Variants in ZNF469 observed in about 807,000 individuals in gnomAD.
ZNF469 encodes the protein zinc finger protein 469.
In ZNF469, 1 loss-of-function variant was observed where a neutral mutation model predicts 1.0. The observed-to-expected ratio is 1.00, with a 90% CI of 0.35 to 4.73. ZNF469 has a LOEUF of 4.73. ZNF469 is among the 30% of genes most tolerant of loss of function. The pLI is 0.16. For missense variants in ZNF469, 6,100 were observed against 5,356.3 expected, an observed-to-expected ratio of 1.14 and a Z score of -4.33; for synonymous variants, 2,703 against 2,363.4, an observed-to-expected ratio of 1.14 and a Z score of -4.17.
the ZNF469 span, among the ~76,000 whole-genome samples, chr16:88,117,734 G>A: frequency 1.3e-5 from 2 of 152,218 alleles, no homozygotes; most frequent in African/African-American, 4.8e-5. Flanking sequence ...TGATGCTGCC[G>A]CACTGTTGCT....
chr16:88,116,743 G>A, the ZNF469 span, among the ~76,000 whole-genome samples: 1 of 152,188 alleles, frequency 6.6e-6, no homozygotes, highest in Admixed American at 6.5e-5. Flanking sequence ...TACATGCCAT[G>A]ACGCTGTTTA....
chr16:88,333,976 CTG>C, the ZNF469 span, among the ~76,000 whole-genome samples: 1 of 146,124 alleles, frequency 6.8e-6, no homozygotes, highest in East Asian at 2.0e-4. Flanking sequence ...CTGTGTGCAT[CTG>C]TGTGTATCTG....
the ZNF469 span, among the ~76,000 whole-genome samples, chr16:88,323,304 C>T: frequency 6.6e-6 from 1 of 152,174 alleles, no homozygotes; most frequent in Non-Finnish European, 1.5e-5. Context: ...GCCCTGACAC[C>T]CTCGCAGGCC....
chr16:88,256,568 C>G, the ZNF469 span, among the ~76,000 whole-genome samples: 2 of 152,170 alleles, frequency 1.3e-5, no homozygotes, highest in African/African-American at 4.8e-5. Context: ...GGGTAAATAT[C>G]AAGGAGTGTA....
the ZNF469 span, among the ~76,000 whole-genome samples, chr16:88,277,754 C>T: frequency 1.6e-5 from 1 of 60,962 alleles, no homozygotes; most frequent in Non-Finnish European, 3.8e-5. Flanking sequence ...TGCTGTGCCA[C>T]GCTGACACTC....
chr16:88,185,149 TCA>T, the ZNF469 span, among the ~76,000 whole-genome samples: 3 of 55,494 alleles, frequency 5.4e-5, no homozygotes, highest in African/African-American at 1.4e-4. Context: ...ATGTGCACAC[TCA>T]CACTCACAGG....
the ZNF469 span, among the ~76,000 whole-genome samples, chr16:88,101,189 G>A: frequency 1.3e-5 from 2 of 152,248 alleles, no homozygotes; most frequent in African/African-American, 2.4e-5. Context: ...GGTGACGATC[G>A]CGATGCCTTC....
chr16:88,385,156 G>C (rs900047195), intron 1 of ZNF469, among the ~76,000 whole-genome samples: 1 of 152,044 alleles, frequency 6.6e-6, no homozygotes, highest in Non-Finnish European at 1.5e-5. Flanking sequence ...CCCTTTCCTC[G>C]TGTTTGCTGA....
chr16:88,273,243 T>A, the ZNF469 span, among the ~76,000 whole-genome samples: 1 of 81,664 alleles, frequency 1.2e-5, no homozygotes, highest in Non-Finnish European at 2.5e-5. Flanking sequence ...TCCTGTGTGG[T>A]GTTATGCTAG....
the ZNF469 span, among the ~76,000 whole-genome samples, chr16:88,302,897 C>T: frequency 2.6e-5 from 4 of 152,124 alleles, no homozygotes; most frequent in South Asian, 2.1e-4. Flanking sequence ...GTGGGGCTGC[C>T]GAAAAGGGGA....
At chr16:88,394,765 C>G (rs1451674764) in intron 1 of ZNF469, among the ~76,000 whole-genome samples, 1 of 152,224 alleles carries the variant, frequency 6.6e-6, no homozygotes, top group Non-Finnish European at 1.5e-5. Context: ...CTCAGGGCCT[C>G]TCAGAGCGTG....
chr16:88,207,427 G>A, the ZNF469 span, among the ~76,000 whole-genome samples: 22 of 147,078 alleles, frequency 1.5e-4, 7 homozygotes, highest in African/African-American at 5.5e-4. Flanking sequence ...CGGGGACAGC[G>A]GGGAGCTGAG....
At chr16:88,380,536 C>T (rs62652232), upstream of ZNF469, among the ~76,000 whole-genome samples, 38,842 of 136,474 alleles carry the variant, frequency 0.28, 9,075 homozygotes, top group African/African-American at 0.63. Flanking sequence ...CTAACACACA[C>T]GCACTAACAC....
In ZNF469 at chr16:88,428,203, G is replaced by A; in HGVS notation, c.733G>A (p.Gly245Ser). 1 of 1,550,282 alleles carries A rather than the reference G, an allele frequency of 6.5e-7. No individual in the cohort carries two copies. The highest frequency in any genetic ancestry group is 8.7e-7 in the Non-Finnish European group (1 of 1,146,924). Reference sequence around the variant, plus strand: ...TCCCGCTGCTGAGAATAGCTTCCCAGGTGCTAATTTCGGGGTTCCCCCCGC... The same window carrying A: ...TCCCGCTGCTGAGAATAGCTTCCCAAGTGCTAATTTCGGGGTTCCCCCCGC... ...WPPAAENSFP[G>S]ANFGVPPAEP... Residue 245 changes from glycine to serine, a missense_variant, in exon 3 of 3, where the codon GGT becomes AGT. By Grantham distance (56) the Gly-to-Ser change is moderately conservative. Coordinates refer to ENST00000565624, the MANE Select transcript of ZNF469 (RefSeq NM_001367624.2).
chr16:88,390,766 G>A (rs536803612), intron 1 of ZNF469, among the ~76,000 whole-genome samples: 1 of 152,334 alleles, frequency 6.6e-6, no homozygotes, highest in South Asian at 2.1e-4. Context: ...TCTGAGCTGG[G>A]TGGGTTTTGA....
At chr16:88,224,977 A>G in the ZNF469 span, among the ~76,000 whole-genome samples, 2 of 152,186 alleles carry the variant, frequency 1.3e-5, no homozygotes, top group Admixed American at 6.5e-5. Context: ...TGGGGCCCCA[A>G]CGCTAATCCT....
chr16:88,144,307 G>C, the ZNF469 span, among the ~76,000 whole-genome samples: 261 of 152,322 alleles, frequency 1.7e-3, no homozygotes, highest in African/African-American at 6.0e-3. Context: ...CGGGAACCAT[G>C]CACAGTGTTG....
At chr16:88,344,510 C>G in the ZNF469 span, among the ~76,000 whole-genome samples, 17 of 152,216 alleles carry the variant, frequency 1.1e-4, no homozygotes, top group African/African-American at 3.9e-4. Flanking sequence ...GAGGCAGGTG[C>G]TCTGCAGAGT....
At chr16:88,116,360 C>A in the ZNF469 span, among the ~76,000 whole-genome samples, 2 of 152,062 alleles carry the variant, frequency 1.3e-5, no homozygotes, top group African/African-American at 4.8e-5. Context: ...CCAGCGATGC[C>A]GCAATGCCGC....
Sources: allele counts gnomAD v4.1 joint callset (sites outside exome capture counted in the v4.1 genomes callset), GRCh38; gene constraint gnomAD v4.1.1; transcripts MANE v1.5; gene names NCBI Gene and HGNC (gene_info 2026-07-23, HGNC 2026-07-21).